SLC25A48: variants seen among roughly 807,000 people sequenced by gnomAD.
The protein encoded by SLC25A48 is solute carrier family 25 member 48.
A neutral mutation model predicts 32.2 loss-of-function variants in SLC25A48; 29 were observed. That is an observed-to-expected ratio of 0.90 (90% confidence interval 0.67 to 1.23). The LOEUF (loss-of-function observed/expected upper bound fraction) is 1.23, where lower values mean the gene tolerates loss of function less well. SLC25A48 is among the 50% of genes most tolerant of loss of function. The pLI is 0.00. For synonymous variants in SLC25A48, 164 were observed against 172.3 expected (o/e 0.95, Z 0.38); for missense variants, 399 against 422.7 (o/e 0.94, Z 0.49).
intron 3 of SLC25A48, among the ~76,000 whole-genome samples, chr5:135,789,085 G>C (rs1430054592): frequency 8.1e-6 from 1 of 123,962 alleles, no homozygotes; most frequent in African/African-American, 2.8e-5. Context: ...CGAGAAGAGA[G>C]AGAGAGGTAT....
intron 1 of SLC25A48, among the ~76,000 whole-genome samples, chr5:135,622,499 T>A (rs1397160453): frequency 6.6e-6 from 1 of 152,238 alleles, no homozygotes; most frequent in Non-Finnish European, 1.5e-5. Flanking sequence ...TTAGAAATCA[T>A]GTTTTTGAAG....
At chr5:135,795,334 A>AC (rs1049549641) in intron 3 of SLC25A48, among the ~76,000 whole-genome samples, 2 of 151,530 alleles carry the variant, frequency 1.3e-5, no homozygotes, top group South Asian at 2.1e-4. Flanking sequence ...AAGGGTTTAC[A>AC]CCCCCCATGA....
chr5:135,730,082 C>T (rs552479644), intron 3 of SLC25A48, among the ~76,000 whole-genome samples: 73 of 152,144 alleles, frequency 4.8e-4, no homozygotes, highest in African/African-American at 1.6e-3. Context: ...GGGCTCAGAC[C>T]GAAGAGGTGA....
At chr5:135,640,979 G>A (rs184779398) in intron 3 of SLC25A48, among the ~76,000 whole-genome samples, 13 of 152,242 alleles carry the variant, frequency 8.5e-5, no homozygotes, top group Middle Eastern at 3.4e-3. Flanking sequence ...TCAACATTTC[G>A]TTGGAAGTCA....
intron 1 of SLC25A48, among the ~76,000 whole-genome samples, chr5:135,611,735 C>T (rs971383927): frequency 6.6e-6 from 1 of 151,880 alleles, no homozygotes; most frequent in Admixed American, 6.6e-5. Flanking sequence ...CAAACAACCT[C>T]ACTTGTCTAT....
intron 3 of SLC25A48, among the ~76,000 whole-genome samples, chr5:135,684,984 A>G (rs1334456215): frequency 5.3e-5 from 8 of 152,182 alleles, no homozygotes; most frequent in Non-Finnish European, 8.8e-5. Flanking sequence ...CTATTATCCA[A>G]TCCATCCACT....
In SLC25A48 at chr5:135,845,972, CA is replaced by C. The variant is rs373408756; in HGVS notation, c.90+3515del. ...TGGCTGCCTCTAGACCAGGGGTCCC[CA>C]ACTCCTATACCGTACCAGTACCAGC... On this transcript the variant is annotated intron_variant, in intron 2 of 7. Coordinates refer to ENST00000681962, the MANE Select transcript of SLC25A48 (RefSeq NM_001349336.2). 4.0e-4 allele frequency among the ~76,000 whole-genome samples: 61 copies of C among 152,296 alleles called. 1 individual carries two copies. The East Asian group carries it at 0.01, about 26-fold the overall frequency.
intron 2 of SLC25A48, among the ~76,000 whole-genome samples, chr5:135,844,036 G>A (rs2126710116): frequency 6.6e-6 from 1 of 152,302 alleles, no homozygotes; most frequent in African/African-American, 2.4e-5. Flanking sequence ...GCACTCCCCA[G>A]GGCTGTCCAG....
At chr5:135,685,266 T>C (rs181465224) in intron 3 of SLC25A48, among the ~76,000 whole-genome samples, 2 of 151,480 alleles carry the variant, frequency 1.3e-5, no homozygotes, top group Admixed American at 1.3e-4. Flanking sequence ...TTGGCCATTC[T>C]CTTGTGGATT....
chr5:135,762,860 T>G (rs78464525), intron 3 of SLC25A48, among the ~76,000 whole-genome samples: 1 of 152,138 alleles, frequency 6.6e-6, no homozygotes, highest in Non-Finnish European at 1.5e-5. Context: ...GTGGGAGAAC[T>G]GCAGTGTGTG....
At chr5:135,883,981 C>A (rs1388849049) in intron 7 of SLC25A48, among the ~76,000 whole-genome samples, 1 of 152,142 alleles carries the variant, frequency 6.6e-6, no homozygotes, top group Non-Finnish European at 1.5e-5. Context: ...AATCATAGAG[C>A]CCTTTCTTGA....
intron 3 of SLC25A48, among the ~76,000 whole-genome samples, chr5:135,752,487 C>A (rs960715424): frequency 1.3e-5 from 2 of 152,206 alleles, no homozygotes; most frequent in Non-Finnish European, 2.9e-5. Flanking sequence ...ATGGTGTACA[C>A]CCACTGTGAT....
Position 135,888,306 on chromosome 5 carries a change from T to A in SLC25A48, c.*282T>A, listed in dbSNP as rs2126852034. ...AATGTTTGGTCCAGCTGAGAAGTCCTGACCATGAGCACCAGGGAGCCAGAA... is the reference window on the plus strand; with the variant it reads ...AATGTTTGGTCCAGCTGAGAAGTCCAGACCATGAGCACCAGGGAGCCAGAA... On this transcript the variant is annotated 3_prime_UTR_variant, in exon 8 of 8. Coordinates refer to ENST00000681962, the MANE Select transcript of SLC25A48 (RefSeq NM_001349336.2). 2.2e-6 allele frequency: 1 copy of A among 461,770 alleles called. No individual in the cohort carries two copies. Among genetic ancestry groups the A allele is most frequent in the Non-Finnish European group, 3.9e-6 (1 of 256,750 alleles). 28.6% of individuals were successfully genotyped at this position (461,770 alleles called of 1,614,324 possible). A position where few individuals can be genotyped will look rare whatever the true frequency, so the allele number is the denominator to read the frequency against.
intron 4 of SLC25A48, among the ~76,000 whole-genome samples, chr5:135,856,919 G>A (rs1353306602): frequency 2.0e-5 from 3 of 152,062 alleles, no homozygotes; most frequent in Non-Finnish European, 2.9e-5. Flanking sequence ...ATCTCCATAC[G>A]TCTTAAAACT....
At position 135,874,097 on chromosome 5, in the gene SLC25A48, C is replaced by T. The variant is rs1761869964; in HGVS notation, c.756C>T (p.Asn252=). 2.6e-6 allele frequency: 4 copies of T among 1,522,456 alleles called. No homozygotes were observed. The East Asian group carries it at 9.8e-5, about 37-fold the overall frequency. 94.3% of individuals were successfully genotyped at this position (1,522,456 alleles called of 1,614,324 possible). ...SRLQADGVYL[N]KYKGVLDCIS... is the part of the protein sequence containing the mutation. Reference sequence around the variant, plus strand: ...TCCAAGCTGATGGGGTTTATTTAAACAAATATAAAGGTGTCCTGGACTGTA... The same window carrying T: ...TCCAAGCTGATGGGGTTTATTTAAATAAATATAAAGGTGTCCTGGACTGTA... Residue 252 remains asparagine, a synonymous_variant, in exon 6 of 8, where the codon AAC becomes AAT. Transcript: ENST00000681962.
intron 3 of SLC25A48, among the ~76,000 whole-genome samples, chr5:135,698,308 C>T (rs1230797669): frequency 1.3e-5 from 2 of 152,172 alleles, no homozygotes; most frequent in African/African-American, 2.4e-5. Context: ...TGGTTGGACA[C>T]AGGGAAATCA....
At chr5:135,583,533 A>C (rs751203899) in intron 1 of SLC25A48, among the ~76,000 whole-genome samples, 1 of 151,804 alleles carries the variant, frequency 6.6e-6, no homozygotes, top group African/African-American at 2.4e-5. Context: ...AGAATTCAGC[A>C]CTGGTAGAGG....
In SLC25A48 at chr5:135,815,547, T is replaced by A. The variant is rs114815736; in HGVS notation, c.-117+2621T>A. Among the ~76,000 whole-genome samples the A allele has an allele frequency of 7.1e-3, 1,080 of 152,292 alleles. 12 individuals carry two copies. The highest frequency in any genetic ancestry group is 0.024 in the African/African-American group (1,011 of 41,552). ...AGAGCATCAACCACACAGAAAGGCC[T>A]GAGGGGCTGCCTTTGAACTCTCTCT... On this transcript the variant is annotated intron_variant, in intron 4 of 10. Coordinates refer to the SLC25A48 transcript ENST00000646290.
intron 3 of SLC25A48, among the ~76,000 whole-genome samples, chr5:135,641,288 T>C (rs801571): frequency 0.28 from 42,591 of 152,036 alleles, 6,501 homozygotes; most frequent in East Asian, 0.63. Context: ...TAGAAGATAT[T>C]TGTGACCTTT....
Sources: gnomAD v4.1 joint callset for allele counts (sites outside exome capture counted in the v4.1 genomes callset) on GRCh38, gnomAD v4.1.1 for gene constraint, MANE v1.5 for transcripts, NCBI Gene and HGNC (gene_info 2026-07-23, HGNC 2026-07-21) for gene names.